SERPINF1: variants seen among roughly 807,000 people sequenced by gnomAD.
SERPINF1 encodes pigment epithelium-derived factor.
A neutral mutation model predicts 37.3 loss-of-function variants in SERPINF1; 29 were observed. That is an observed-to-expected ratio of 0.78 (90% CI 0.58 to 1.06). The LOEUF is 1.06. Among genes scored for constraint, SERPINF1 ranks in the 50% least tolerant of loss-of-function variants. The pLI is 0.00. For synonymous variants in SERPINF1, 281 were observed against 227.9 expected (o/e 1.23, Z -2.10); for missense variants, 553 against 532.2 (o/e 1.04, Z -0.38).
At chr17:1,764,362 G>C (rs1467942867) in intron 1 of SERPINF1, among the ~76,000 whole-genome samples, 1 of 152,228 alleles carries the variant, frequency 6.6e-6, no homozygotes, top group Non-Finnish European at 1.5e-5. Context: ...CTGGCAGCTG[G>C]GTGGGGCTGG....
At chr17:1,769,423 A>T (rs1417631722) in intron 2 of SERPINF1, among the ~76,000 whole-genome samples, 1 of 151,408 alleles carries the variant, frequency 6.6e-6, no homozygotes, top group Non-Finnish European at 1.5e-5. Flanking sequence ...AAAAAAAAAA[A>T]AGTGGGTCAT....
chr17:1,768,559 G>A (rs1012030935), intron 2 of SERPINF1, among the ~76,000 whole-genome samples: 1 of 148,506 alleles, frequency 6.7e-6, no homozygotes, highest in African/African-American at 2.5e-5. Flanking sequence ...CTGCAATCTT[G>A]GCCTCCTGAG....
At chr17:1,770,793 C>T (rs1385145381) in intron 3 of SERPINF1, 1 of 520,554 alleles carries the variant, frequency 1.9e-6, no homozygotes, top group East Asian at 3.7e-5. Flanking sequence ...GGGAGAAGTA[C>T]AGGGACTGGT....
At position 1,771,859 on chromosome 17, in the gene SERPINF1, C is replaced by T. The variant is rs749983725; in HGVS notation, c.440-13C>T. The T allele has an allele frequency of 1.4e-5, 22 of 1,609,250 alleles. No individual in the cohort carries two copies. Among genetic ancestry groups the T allele is most frequent in the African/African-American group, 4.0e-5 (3 of 74,874 alleles). ...GAGTCTCATACGCTAACCTCTGCTC[C>T]GCCTCTTCTCAGAGCTGCGCATAAA... On this transcript the variant is annotated splice_polypyrimidine_tract_variant and intron_variant, in intron 4 of 7. Transcript: ENST00000254722.
At chr17:1,774,608 A>G (rs1297640469) in intron 5 of SERPINF1, among the ~76,000 whole-genome samples, 1 of 152,130 alleles carries the variant, frequency 6.6e-6, no homozygotes, top group Non-Finnish European at 1.5e-5. Context: ...CTGGGACTAC[A>G]GGCGTGAGTC....
intron 7 of SERPINF1, 146 bp from the exon 8 acceptor site, chr17:1,777,041 A>G (rs1209069463): frequency 5.5e-6 from 7 of 1,281,514 alleles, no homozygotes; most frequent in Middle Eastern, 2.5e-4. Flanking sequence ...TGGGCAAGTC[A>G]CTCCACCCTC....
rs1907418147 is a variant in SERPINF1, at chr17:1,766,938, A to G, written c.28A>G (p.Ile10Val). MQALVLLLCIGALLGHSSCQ... is the reference protein window; with the variant it reads MQALVLLLCVGALLGHSSCQ... ...GCAGGCCCTGGTGCTACTCCTCTGCATTGGAGCCCTCCTCGGGCACAGCAG... is the reference window on the plus strand; with the variant it reads ...GCAGGCCCTGGTGCTACTCCTCTGCGTTGGAGCCCTCCTCGGGCACAGCAG... Residue 10 changes from isoleucine (I) to valine (V), a missense_variant, in exon 2 of 8, where the codon ATT (isoleucine) becomes GTT (valine). Transcript: ENST00000254722. 9 of 1,565,504 alleles carry G rather than the reference A, an allele frequency of 5.7e-6. No homozygotes were observed. The highest frequency in any genetic ancestry group is 7.8e-6 in the Non-Finnish European group (9 of 1,154,906).
At chr17:1,771,312 G>C (rs1274566870) in intron 4 of SERPINF1, 128 bp downstream of exon 4, 19 of 934,388 alleles carry the variant, frequency 2.0e-5, no homozygotes, top group Non-Finnish European at 3.0e-5. Context: ...GCAGTGGCGT[G>C]ATCTCGGCTC....
At chr17:1,772,360 C>T (rs377119710) in intron 5 of SERPINF1, among the ~76,000 whole-genome samples, 2 of 152,080 alleles carry the variant, frequency 1.3e-5, no homozygotes, top group South Asian at 4.2e-4. Context: ...AGGTGGTCTG[C>T]CCGCCTCAGC....
chr17:1,766,973 C>A lies in SERPINF1; in HGVS notation c.63C>A (p.Asn21Lys). The stretch of plus-strand genomic sequence containing the variant: ...TCCTCGGGCACAGCAGCTGCCAGAA[C>A]CCTGCCAGCCCCCCGGAGGAGGTCA... ...GALLGHSSCQ[N>K]PASPPEEGSP... The change falls in exon 2 of 8, where the codon AAC becomes AAA. Residue 21 changes from asparagine (N) to lysine (K), a missense_variant. Coordinates refer to ENST00000254722, the MANE Select transcript of SERPINF1 (RefSeq NM_002615.7). The A allele has an allele frequency of 6.4e-7, 1 of 1,557,712 alleles. No homozygotes were observed. The highest frequency in any genetic ancestry group is 8.7e-7 in the Non-Finnish European group (1 of 1,150,416).
chr17:1,767,094 C>A, intron 2 of SERPINF1, 100 bp downstream of exon 2: 1 of 1,009,640 alleles, frequency 9.9e-7, no homozygotes, highest in Non-Finnish European at 1.5e-6. Flanking sequence ...GGTTCCAGGC[C>A]AGGCTTGGGC....
rs767552827 is a variant in SERPINF1 at position 1,772,028 on chromosome 17, T to C, written c.596T>C (p.Ile199Thr). The part of the protein sequence containing the change: ...KGKLARSTKE[I>T]PDEISILLLG... ...AAGCTCGCCAGGTCCACAAAGGAAA[T>C]TCCCGATGAGATCAGCATTCTCCTT... Residue 199 changes from isoleucine (I) to threonine (T), a missense_variant, in exon 5 of 8, where the codon ATT becomes ACT. Ile to Thr is a moderately conservative substitution (Grantham distance 89). Coordinates refer to ENST00000254722, the MANE Select transcript of SERPINF1 (RefSeq NM_002615.7). 2 of 1,613,640 alleles carry C rather than the reference T, an allele frequency of 1.2e-6. No homozygotes were observed. Among genetic ancestry groups the C allele is most frequent in the African/African-American group, 2.7e-5 (2 of 74,808 alleles).
At position 1,777,505 on chromosome 17, in the gene SERPINF1, A is replaced by G. The variant is rs1908120749; in HGVS notation, c.*59A>G. ...AAACCCGAGGGACAGCAGATTCCACAGGACACGAAGGCTGCCCCTGTAAGG... is the reference window on the plus strand; with the variant it reads ...AAACCCGAGGGACAGCAGATTCCACGGGACACGAAGGCTGCCCCTGTAAGG... On this transcript the variant is annotated 3_prime_UTR_variant, in exon 8 of 8. Coordinates refer to ENST00000254722, the MANE Select transcript of SERPINF1 (RefSeq NM_002615.7). The G allele has an allele frequency of 1.9e-6, 3 of 1,607,692 alleles. No homozygotes were observed. The highest frequency in any genetic ancestry group is 2.6e-6 in the Non-Finnish European group (3 of 1,175,250).
intron 1 of SERPINF1, 55 bp from the exon 2 acceptor site, chr17:1,766,848 C>T (rs1021472832): frequency 8.0e-6 from 12 of 1,498,448 alleles, no homozygotes; most frequent in Admixed American, 2.0e-5. Flanking sequence ...GAAGGGGTAG[C>T]GGGGCAGTGC....
chr17:1,768,001 G>C (rs1487999186), intron 2 of SERPINF1, among the ~76,000 whole-genome samples: 2 of 151,604 alleles, frequency 1.3e-5, no homozygotes, highest in Non-Finnish European at 2.9e-5. Context: ...CCAGGAGTTT[G>C]AGACCAGCAT....
chr17:1,767,043 T>C (rs370429921), intron 2 of SERPINF1, 49 bp downstream of exon 2: 1 of 1,492,584 alleles, frequency 6.7e-7, no homozygotes, highest in South Asian at 1.2e-5. Context: ...CGCCCCTCCT[T>C]GGCAGGCAGC....
At chr17:1,766,630 C>G (rs576727681) in intron 1 of SERPINF1, 2 of 347,666 alleles carry the variant, frequency 5.8e-6, no homozygotes, top group Non-Finnish European at 1.0e-5. Context: ...GGTCCCCTGA[C>G]GCAGACAGTG....
chr17:1,777,079 G>GA lies in SERPINF1; in HGVS notation c.998-107dup, dbSNP rs1461277351. ...TCAGCTCAGACCTCTTCAGGCCTCA[G>GA]AGAAAGTCAACAGTGCTGCGCCATC... On this transcript the variant is annotated intron_variant, in intron 7 of 7. Transcript: ENST00000254722. 5.1e-6 allele frequency: 8 copies of GA among 1,572,484 alleles called. No individual in the cohort carries two copies. The African/African-American group carries it at 9.5e-5, about 19-fold the overall frequency.
Position 1,771,952 on chromosome 17 carries a change from C to T in SERPINF1, c.520C>T (p.Arg174Cys), listed in dbSNP as rs756397389. ...GCCCAGAGTCCTGACGGGCAACCCTCGCTTGGACCTGCAAGAGATCAACAA... is the reference window on the plus strand; with the variant it reads ...GCCCAGAGTCCTGACGGGCAACCCTTGCTTGGACCTGCAAGAGATCAACAA... The part of the protein sequence containing the change: ...TRPRVLTGNP[R>C]LDLQEINNWV... The change falls in exon 5 of 8, where the codon CGC becomes TGC. Residue 174 changes from arginine (R) to cysteine (C), a missense_variant. Arg to Cys is a radical substitution (Grantham distance 180, BLOSUM62 -3). Coordinates refer to ENST00000254722, the MANE Select transcript of SERPINF1 (RefSeq NM_002615.7). The T allele has an allele frequency of 7.4e-6, 12 of 1,613,850 alleles. No homozygotes were observed. Among genetic ancestry groups the T allele is most frequent in the African/African-American group, 2.7e-5 (2 of 74,874 alleles).
Sources: allele counts gnomAD v4.1 joint callset (sites outside exome capture counted in the v4.1 genomes callset), GRCh38; gene constraint gnomAD v4.1.1; transcripts MANE v1.5; gene names NCBI Gene and HGNC (gene_info 2026-07-23, HGNC 2026-07-21).